Variants in RP1L1 observed in about 807,000 individuals in gnomAD.
RP1L1 encodes RP1 like 1.
RP1L1 carries 27 observed loss-of-function variants against 15.7 expected under a neutral mutation model. The observed-to-expected ratio is 1.72, with a 90% CI of 1.27 to 2.38. The LOEUF is 2.38. Among genes scored for constraint, RP1L1 ranks in the 30% most tolerant of loss-of-function variants. The pLI, the probability that RP1L1 is intolerant of heterozygous loss-of-function variation, is 0.00. For missense variants in RP1L1, 4,798 were observed against 3,075.9 expected (o/e 1.56, Z -13.24); for synonymous variants, 1,813 against 1,276.7 (o/e 1.42, Z -8.96).
intron 1 of RP1L1, among the ~76,000 whole-genome samples, chr8:10,645,940 G>C (rs6601499): frequency 0.99 from 151,054 of 152,308 alleles, 74,923 homozygotes; most frequent in East Asian, 1. Context: ...GGGCCCTACA[G>C]AGAAAGCCTC....
intron 1 of RP1L1, among the ~76,000 whole-genome samples, chr8:10,639,719 C>T (rs567357050): frequency 2.0e-5 from 3 of 152,264 alleles, no homozygotes; most frequent in Non-Finnish European, 4.4e-5. Context: ...AATCTTATTG[C>T]AAGCCTTTCT....
chr8:10,609,911 T>G lies in RP1L1; in HGVS notation c.4187A>C (p.Glu1396Ala). 6.2e-7 allele frequency: 1 copy of G among 1,614,070 alleles called. No individual in the cohort carries two copies. Among genetic ancestry groups the G allele is most frequent in the Non-Finnish European group, 8.5e-7 (1 of 1,180,048 alleles). ...GCTTCCTTCTTCTGGAAGTCCTTCCTCTTTGAGACCCTCTTCAAGAGCCTC... is the reference window on the plus strand; with the variant it reads ...GCTTCCTTCTTCTGGAAGTCCTTCCGCTTTGAGACCCTCTTCAAGAGCCTC... The part of the protein sequence containing the change: ...QGEALEEGLK[E>A]EGLPEEGSVH... The change falls in exon 4 of 4, where the codon GAG becomes GCG. Residue 1396 changes from glutamate (E) to alanine (A), a missense_variant. Coordinates refer to ENST00000382483, the MANE Select transcript of RP1L1 (RefSeq NM_178857.6).
Position 10,611,435 on chromosome 8 carries a change from G to C in RP1L1, c.2663C>G (p.Pro888Arg), listed in dbSNP as rs894409098. 6.3e-7 allele frequency: 1 copy of C among 1,576,838 alleles called. No homozygotes were observed. Among genetic ancestry groups the C allele is most frequent in the African/African-American group, 1.3e-5 (1 of 74,200 alleles). ...GCCTGGCTGGCGTGTCCCCTCCTGC[G>C]GGCTCCCACCTGGCCCCCGGGCAGT... ...QSTARGPGGS[P>R]QEGTRQPGPT... Residue 888 changes from proline (P) to arginine (R), a missense_variant, in exon 4 of 4, where the codon CCG becomes CGG. Coordinates refer to ENST00000382483, the MANE Select transcript of RP1L1 (RefSeq NM_178857.6).
chr8:10,606,853 C>A lies in RP1L1; in HGVS notation c.*42G>T. ...TTTGTAGAAAAAATATGAATAAAAA[C>A]AGAGCTCCCAAGCTCGTGATTGTTT... On this transcript the variant is annotated 3_prime_UTR_variant, in exon 4 of 4. Transcript: ENST00000382483. The A allele has an allele frequency of 1.2e-6, 2 of 1,612,828 alleles. No individual in the cohort carries two copies. Among genetic ancestry groups the A allele is most frequent in the Non-Finnish European group, 1.7e-6 (2 of 1,179,986 alleles).
chr8:10,612,942 G>A lies in RP1L1; in HGVS notation c.1156C>T (p.Pro386Ser). Residue 386 changes from proline to serine, a missense_variant, in exon 4 of 4, where the codon CCC becomes TCC. Pro to Ser is a moderately conservative substitution (Grantham distance 74). Coordinates refer to ENST00000382483, the MANE Select transcript of RP1L1 (RefSeq NM_178857.6). The part of the protein sequence containing the change: ...FSEPGVWGPR[P>S]CRVGCREVFG... ...ACTTCCCTGCATCCCACCCTGCAGGGCCGGGGTCCCCACACCCCAGGCTCT... is the reference window on the plus strand; with the variant it reads ...ACTTCCCTGCATCCCACCCTGCAGGACCGGGGTCCCCACACCCCAGGCTCT... 1.9e-6 allele frequency: 3 copies of A among 1,613,066 alleles called. No homozygotes were observed. The highest frequency in any genetic ancestry group is 2.5e-6 in the Non-Finnish European group (3 of 1,179,936).
At chr8:10,616,032 G>A (rs1007171847) in intron 3 of RP1L1, among the ~76,000 whole-genome samples, 1 of 152,142 alleles carries the variant, frequency 6.6e-6, no homozygotes, top group Non-Finnish European at 1.5e-5. Context: ...AGCCTCCCAA[G>A]TAGCTGAAAC....
In RP1L1 at chr8:10,609,219, C is replaced by G; in HGVS notation, c.4879G>C (p.Gly1627Arg). The G allele has an allele frequency of 1.9e-6, 3 of 1,609,946 alleles. No homozygotes were observed. Among genetic ancestry groups the G allele is most frequent in the Non-Finnish European group, 2.5e-6 (3 of 1,179,876 alleles). Reference sequence around the variant, plus strand: ...TCCTCCAGGGTGAAGGAGAGGGGCCCCAGGCCCAGGGTCCGCTCAGAGAAG... The same window carrying G: ...TCCTCCAGGGTGAAGGAGAGGGGCCGCAGGCCCAGGGTCCGCTCAGAGAAG... The part of the protein sequence containing the change: ...SAFSERTLGL[G>R]PLSFTLEDEP... Residue 1627 changes from glycine (G) to arginine (R), a missense_variant, in exon 4 of 4, where the codon GGG (glycine) becomes CGG (arginine). Gly to Arg is a moderately radical substitution (Grantham distance 125, BLOSUM62 -2). Coordinates refer to ENST00000382483, the MANE Select transcript of RP1L1 (RefSeq NM_178857.6).
At chr8:10,615,251 T>C (rs1036975137) in intron 3 of RP1L1, among the ~76,000 whole-genome samples, 1 of 152,254 alleles carries the variant, frequency 6.6e-6, no homozygotes, top group Non-Finnish European at 1.5e-5. Flanking sequence ...CAAAGGATAG[T>C]ACTTTGTTTA....
chr8:10,653,817 C>CGAT (rs1415113373), intron 1 of RP1L1, among the ~76,000 whole-genome samples: 4 of 152,176 alleles, frequency 2.6e-5, no homozygotes, highest in Non-Finnish European at 4.4e-5. Flanking sequence ...AAATAAAGAA[C>CGAT]GATGTGGAGT....
In RP1L1 at chr8:10,622,631, A is replaced by G. The variant is rs1354198343; in HGVS notation, c.571T>C (p.Phe191Leu). The change falls in exon 2 of 4, where the codon TTT becomes CTT. Residue 191 changes from phenylalanine (F) to leucine (L), a missense_variant. Phe to Leu is a conservative substitution (Grantham distance 22, BLOSUM62 0). Coordinates refer to ENST00000382483, the MANE Select transcript of RP1L1 (RefSeq NM_178857.6). ...FLGKASDLLR[F>L]PVKQLYTTSG... ...GTCGTGTACAACTGCTTCACAGGAA[A>G]GCGCAGGAGATCTGAGGCTTTGCCG... 3 of 1,614,224 alleles carry G rather than the reference A, an allele frequency of 1.9e-6. No individual in the cohort carries two copies. Among genetic ancestry groups the G allele is most frequent in the South Asian group, 1.1e-5 (1 of 91,082 alleles).
At chr8:10,649,105 T>C (rs913409235) in intron 1 of RP1L1, among the ~76,000 whole-genome samples, 1 of 152,212 alleles carries the variant, frequency 6.6e-6, no homozygotes, top group Non-Finnish European at 1.5e-5. Context: ...TTCCCTTCCT[T>C]AGAAAATTCC....
At chr8:10,645,474 C>T (rs1029293950) in intron 1 of RP1L1, among the ~76,000 whole-genome samples, 5 of 152,126 alleles carry the variant, frequency 3.3e-5, no homozygotes, top group Admixed American at 2.0e-4. Flanking sequence ...TCTTCAACAC[C>T]AAATAGATCC....
chr8:10,612,863 A>T lies in RP1L1; in HGVS notation c.1235T>A (p.Leu412Gln). The T allele has an allele frequency of 6.2e-7, 1 of 1,612,856 alleles. No individual in the cohort carries two copies. Among genetic ancestry groups the T allele is most frequent in the Non-Finnish European group, 8.5e-7 (1 of 1,179,888 alleles). ...CACTCTCTCTCCCTGGGAGGCATGC[A>T]GGGGATTCGTCCAGATTTCATACTT... The part of the protein sequence containing the change: ...GPKYEIWTNP[L>Q]HASQGERVAA... Residue 412 changes from leucine (L) to glutamine (Q), a missense_variant, in exon 4 of 4, where the codon CTG becomes CAG. Physicochemically the swap from Leu to Gln is moderately radical, Grantham distance 113. Transcript: ENST00000382483.
At chr8:10,647,221 G>C (rs1798492799) in intron 1 of RP1L1, among the ~76,000 whole-genome samples, 1 of 152,220 alleles carries the variant, frequency 6.6e-6, no homozygotes, top group Non-Finnish European at 1.5e-5. Flanking sequence ...AGGCAACCAA[G>C]TACAAATCCT....
intron 2 of RP1L1, chr8:10,621,050 C>G (rs554445160): frequency 6.6e-6 from 1 of 152,188 alleles, no homozygotes; most frequent in Non-Finnish European, 1.5e-5. Context: ...CATAGCTCTG[C>G]TAGGTATACA....
intron 1 of RP1L1, among the ~76,000 whole-genome samples, chr8:10,627,169 G>C (rs1022236065): frequency 2.0e-5 from 3 of 152,090 alleles, no homozygotes; most frequent in African/African-American, 7.2e-5. Flanking sequence ...GGGCTCAAAG[G>C]GATACGTGTA....
At chr8:10,643,682 AG>A (rs775248729) in intron 1 of RP1L1, among the ~76,000 whole-genome samples, 1 of 152,072 alleles carries the variant, frequency 6.6e-6, no homozygotes, top group Non-Finnish European at 1.5e-5. Context: ...GGGAGATGAA[AG>A]CCAATCCATG....
rs778777831 is a variant in RP1L1 at position 10,610,361 on chromosome 8, C to T, written c.3737G>A (p.Ser1246Asn). ...CTGTTGGTTTTCCAGATCCCCTGGG[C>T]TCTCATAAGTTCTTGAATCAGGCCT... ...NQRPDSRTYE[S>N]PGDLENQQQC... Residue 1246 changes from serine (S) to asparagine (N), a missense_variant, in exon 4 of 4, where the codon AGC (serine) becomes AAC (asparagine). Transcript: ENST00000382483. The T allele has an allele frequency of 1.9e-6, 3 of 1,614,032 alleles. No homozygotes were observed. The African/African-American group carries it at 4.0e-5, about 22-fold the overall frequency.
Position 10,611,642 on chromosome 8 carries a change from C to G in RP1L1, c.2456G>C (p.Gly819Ala), listed in dbSNP as rs201576854. 8.5e-5 allele frequency: 137 copies of G among 1,612,308 alleles called. No individual in the cohort carries two copies. The highest frequency in any genetic ancestry group is 1.1e-4 in the Non-Finnish European group (132 of 1,179,794). Residue 819 changes from glycine (G) to alanine (A), a missense_variant, in exon 4 of 4, where the codon GGC becomes GCC. Physicochemically the swap from Gly to Ala is moderately conservative, Grantham distance 60. Transcript: ENST00000382483. ...TGAGCAGCAGTGGCTTCGGTGGGGG[C>G]CCACCGCCCCTTGCTCAGGCCGTCC... ...QVGRPEQGAV[G>A]PHRSHCCSQP...
Sources: gnomAD v4.1 joint callset for allele counts (sites outside exome capture counted in the v4.1 genomes callset) on GRCh38, gnomAD v4.1.1 for gene constraint, MANE v1.5 for transcripts, NCBI Gene and HGNC (gene_info 2026-07-23, HGNC 2026-07-21) for gene names.